The following PRRX2 variants were observed in gnomAD, a reference collection of about 807,000 sequenced individuals.
PRRX2 encodes the protein paired mesoderm homeobox protein 2.
In PRRX2, 11 loss-of-function variants were observed where a neutral mutation model predicts 18.0. That is an observed-to-expected ratio of 0.61 (90% CI 0.39 to 1.01). PRRX2 has a LOEUF of 1.01. Ranked by LOEUF, PRRX2 falls within the 50% of genes least tolerant of loss-of-function variation. The probability of loss-of-function intolerance (pLI) is 0.01; values close to 1 mark genes in which losing one functional copy is unlikely to be tolerated. For missense variants in PRRX2, 387 were observed against 351.0 expected, an observed-to-expected ratio of 1.10 and a Z score of -0.82; for synonymous variants, 177 against 154.8, an observed-to-expected ratio of 1.14 and a Z score of -1.06.
At chr9:129,701,726 G>C (rs1397342953) in intron 1 of PRRX2, among the ~76,000 whole-genome samples, 2 of 152,338 alleles carry the variant, frequency 1.3e-5, no homozygotes, top group South Asian at 2.1e-4. Flanking sequence ...CTAGATACAT[G>C]TGGACATGCA....
chr9:129,702,193 C>T (rs1020107381), intron 1 of PRRX2, among the ~76,000 whole-genome samples: 8 of 151,914 alleles, frequency 5.3e-5, no homozygotes, highest in African/African-American at 1.9e-4. Context: ...GTCAGGAGAT[C>T]GAGAACATCC....
intron 1 of PRRX2, among the ~76,000 whole-genome samples, chr9:129,707,403 T>G (rs886176602): frequency 6.6e-6 from 1 of 152,244 alleles, no homozygotes; most frequent in African/African-American, 2.4e-5. Context: ...TGCTGAATAC[T>G]ATTCCATTGC....
intron 2 of PRRX2, 40 bp from the exon 3 acceptor site, chr9:129,720,556 C>T: frequency 1.3e-6 from 2 of 1,550,340 alleles, no homozygotes; most frequent in Non-Finnish European, 8.7e-7. Context: ...CTTGGGTCCC[C>T]CCTGCCCATG....
At chr9:129,717,789 T>C (rs1453535373) in intron 1 of PRRX2, among the ~76,000 whole-genome samples, 1 of 151,672 alleles carries the variant, frequency 6.6e-6, no homozygotes, top group East Asian at 1.9e-4. Context: ...TTTATACCCA[T>C]CTGTGTTGTT....
At chr9:129,679,642 C>T (rs1325422280) in intron 1 of PRRX2, among the ~76,000 whole-genome samples, 1 of 152,180 alleles carries the variant, frequency 6.6e-6, no homozygotes, top group Non-Finnish European at 1.5e-5. Context: ...TGACTGCGAC[C>T]TTACCCAGCC....
chr9:129,711,466 C>T (rs2130930553), intron 1 of PRRX2, among the ~76,000 whole-genome samples: 1 of 132,062 alleles, frequency 7.6e-6, no homozygotes, highest in South Asian at 2.6e-4. Flanking sequence ...AGTGCAGTGA[C>T]ATGATCTCGG....
At chr9:129,687,972 C>T (rs746161375) in intron 1 of PRRX2, among the ~76,000 whole-genome samples, 5 of 151,824 alleles carry the variant, frequency 3.3e-5, no homozygotes, top group Admixed American at 6.6e-5. Context: ...CACTGCTCAC[C>T]GCAGCCTTGA....
At chr9:129,682,035 C>T (rs1468521778) in intron 1 of PRRX2, among the ~76,000 whole-genome samples, 6 of 152,150 alleles carry the variant, frequency 3.9e-5, no homozygotes, top group Non-Finnish European at 7.4e-5. Context: ...GAGGAGGAGG[C>T]GTGGGTCTTA....
At chr9:129,689,994 G>A (rs1588166840) in intron 1 of PRRX2, among the ~76,000 whole-genome samples, 2 of 151,644 alleles carry the variant, frequency 1.3e-5, no homozygotes, top group East Asian at 1.9e-4. Flanking sequence ...CTTGTGATCC[G>A]CCCGCCTCAG....
At chr9:129,681,529 CAG>C (rs1439365671) in intron 1 of PRRX2, among the ~76,000 whole-genome samples, 1 of 151,760 alleles carries the variant, frequency 6.6e-6, no homozygotes, top group Non-Finnish European at 1.5e-5. Context: ...CAAAAAAAAA[CAG>C]AAAGCAGGTT....
Position 129,665,901 on chromosome 9 carries a change from A to C in PRRX2, c.34A>C (p.Lys12Gln). ...DSAAAAFALD[K>Q]PALGPGPPPP... ...CGCGGCCGCCGCCTTCGCCCTGGACAAGCCGGCGCTGGGCCCGGGGCCGCC... is the reference window on the plus strand; with the variant it reads ...CGCGGCCGCCGCCTTCGCCCTGGACCAGCCGGCGCTGGGCCCGGGGCCGCC... Residue 12 changes from lysine to glutamine, a missense_variant, in exon 1 of 4, where the codon AAG (lysine) becomes CAG (glutamine). By Grantham distance (53) the Lys-to-Gln change is moderately conservative. Transcript: ENST00000372469. The surrounding 1 kb of genome is among the most constrained non-coding windows in gnomAD (Gnocchi z 5.3). 3 of 1,099,648 alleles carry C rather than the reference A, an allele frequency of 2.7e-6. No homozygotes were observed. Among genetic ancestry groups the C allele is most frequent in the Non-Finnish European group, 3.3e-6 (3 of 906,944 alleles). The allele number at this position is 1,099,648 out of a possible 1,614,324, so 68.1% of individuals were successfully genotyped here.
At chr9:129,681,820 A>G (rs7866070) in intron 1 of PRRX2, among the ~76,000 whole-genome samples, 59,523 of 152,066 alleles carry the variant, frequency 0.39, 12,320 homozygotes, top group African/African-American at 0.52. Context: ...AGGCCAATGC[A>G]TCTCCTTCGG....
intron 1 of PRRX2, among the ~76,000 whole-genome samples, chr9:129,686,696 C>T (rs1051853484): frequency 6.6e-6 from 1 of 152,136 alleles, no homozygotes; most frequent in African/African-American, 2.4e-5. Flanking sequence ...ACTTTTGCAG[C>T]CTGGGTGCCT....
rs756598180 is a variant in PRRX2, at chr9:129,720,806, G to A, written c.626+32G>A. 8 of 1,509,568 alleles carry A rather than the reference G, an allele frequency of 5.3e-6. No individual in the cohort carries two copies. The South Asian group carries it at 1.0e-4, about 19-fold the overall frequency. The allele number at this position is 1,509,568 out of a possible 1,614,324, so 93.5% of individuals were successfully genotyped here. ...GCGGGAACACCTTTGGGCCAGGAAG[G>A]GGCAGCTCGAGGAATCCCAGAGGGC... On this transcript the variant is annotated intron_variant, in intron 3 of 3. Transcript: ENST00000372469.
chr9:129,701,754 A>G (rs1588170815), intron 1 of PRRX2, among the ~76,000 whole-genome samples: 1 of 152,362 alleles, frequency 6.6e-6, no homozygotes, highest in East Asian at 1.9e-4. Context: ...GTATGCAAAG[A>G]ATTAAACAGA....
intron 1 of PRRX2, among the ~76,000 whole-genome samples, chr9:129,711,047 A>G (rs1034034913): frequency 6.6e-5 from 10 of 152,136 alleles, no homozygotes; most frequent in Non-Finnish European, 1.0e-4. Context: ...TGCAGCCCCA[A>G]GAATGTTTCT....
intron 1 of PRRX2, among the ~76,000 whole-genome samples, chr9:129,707,406 T>C (rs1003235380): frequency 6.6e-6 from 1 of 152,232 alleles, no homozygotes; most frequent in African/African-American, 2.4e-5. Flanking sequence ...TGAATACTAT[T>C]CCATTGCATG....
chr9:129,692,101 AC>A (rs1832367821), intron 1 of PRRX2, among the ~76,000 whole-genome samples: 1 of 150,130 alleles, frequency 6.7e-6, no homozygotes, highest in Non-Finnish European at 1.5e-5. Flanking sequence ...ACACACCACC[AC>A]GCCTGGCTAG....
chr9:129,700,038 G>A (rs1387713411), intron 1 of PRRX2, among the ~76,000 whole-genome samples: 1 of 152,222 alleles, frequency 6.6e-6, no homozygotes, highest in Non-Finnish European at 1.5e-5. Flanking sequence ...GGAGGGGAAC[G>A]CACACGCACC....
Sources: gnomAD v4.1 joint callset for allele counts (sites outside exome capture counted in the v4.1 genomes callset) on GRCh38, gnomAD v4.1.1 for gene constraint, Gnocchi (gnomAD v3.1) non-coding constraint, MANE v1.5 for transcripts, NCBI Gene and HGNC (gene_info 2026-07-23, HGNC 2026-07-21) for gene names.